RBFOX1: variants seen among roughly 807,000 people sequenced by gnomAD.
The protein encoded by RBFOX1 is RNA binding protein fox-1 homolog 1.
In RBFOX1, 8 loss-of-function variants were observed where a neutral mutation model predicts 57.7. The ratio of observed to expected loss-of-function variants is 0.14; its 90% CI spans 0.08 to 0.25. RBFOX1 has a LOEUF of 0.25. Ranked by LOEUF, RBFOX1 falls within the 10% of genes least tolerant of loss-of-function variation. RBFOX1 has a pLI of 1.00. For missense variants in RBFOX1, 611 were observed against 548.5 expected, an observed-to-expected ratio of 1.11 and a Z score of -1.14; for synonymous variants, 326 against 222.4, an observed-to-expected ratio of 1.47 and a Z score of -4.15.
At chr16:6,508,904 T>C in intron 2 of RBFOX1, among the ~76,000 whole-genome samples, 1 of 152,184 alleles carries the variant, frequency 6.6e-6, no homozygotes, top group East Asian at 1.9e-4. Context: ...AACACTGTTG[T>C]TATCATTAAT....
intron 5 of RBFOX1, among the ~76,000 whole-genome samples, chr16:7,565,591 A>G (rs535417702): frequency 2.0e-5 from 3 of 152,146 alleles, no homozygotes; most frequent in South Asian, 4.1e-4. Flanking sequence ...AAGAAGAGAC[A>G]GAGCAAGTGT....
Position 7,640,464 on chromosome 16 carries a change from A to G in RBFOX1, c.757+9781A>G, listed in dbSNP as rs371576067. ...CCCATGGTGTGCCCCCAAACATCTT[A>G]TTTGTCTTGATATTTCTTTCACAGA... On this transcript the variant is annotated intron_variant, in intron 11 of 15. Transcript: ENST00000550418. Among the ~76,000 whole-genome samples the G allele has an allele frequency of 6.6e-5, 10 of 152,302 alleles. No individual in the cohort carries two copies. In the South Asian group the frequency reaches 8.3e-4, roughly 13 times the overall value.
At chr16:7,564,133 G>C (rs1007883501) in intron 5 of RBFOX1, among the ~76,000 whole-genome samples, 12 of 152,212 alleles carry the variant, frequency 7.9e-5, no homozygotes, top group Admixed American at 7.9e-4. Flanking sequence ...TGGGGACTTT[G>C]GAAGGTAATT....
chr16:7,241,463 C>T (rs1443056035), intron 4 of RBFOX1, among the ~76,000 whole-genome samples: 1 of 152,138 alleles, frequency 6.6e-6, no homozygotes, highest in East Asian at 1.9e-4. Context: ...CCCTTTGGTT[C>T]ATTCAAGATG....
chr16:7,439,552 C>T (rs2098749626), intron 4 of RBFOX1, among the ~76,000 whole-genome samples: 1 of 152,126 alleles, frequency 6.6e-6, no homozygotes. Flanking sequence ...AAATATCTCC[C>T]TTAAAGAAAG....
chr16:7,371,978 A>C (rs1433236170), intron 4 of RBFOX1, among the ~76,000 whole-genome samples: 1 of 151,010 alleles, frequency 6.6e-6, no homozygotes, highest in South Asian at 2.1e-4. Context: ...TTTTTTTTCC[A>C]TTATAAACAT....
At chr16:6,760,211 T>G (rs17141319) in intron 3 of RBFOX1, among the ~76,000 whole-genome samples, 16,184 of 152,280 alleles carry the variant, frequency 0.11, 1,006 homozygotes, top group African/African-American at 0.16. Flanking sequence ...CTAAATAGTT[T>G]GTAATGAATT....
At chr16:7,415,038 T>G (rs541357509) in intron 4 of RBFOX1, among the ~76,000 whole-genome samples, 1 of 152,382 alleles carries the variant, frequency 6.6e-6, no homozygotes, top group African/African-American at 2.4e-5. Flanking sequence ...GATGGCTCTT[T>G]CTATACTCTA....
chr16:7,681,092 G>T lies in RBFOX1; in HGVS notation c.995+4254G>T, dbSNP rs148996563. On this transcript the variant is annotated intron_variant, in intron 14 of 15. Transcript: ENST00000550418. The stretch of plus-strand genomic sequence containing the variant: ...AAGGTTCTATTTCAGAGACAGATTT[G>T]TGTTTCTTAGAACCTAGTAAGGATA... Among the ~76,000 whole-genome samples the T allele has an allele frequency of 5.3e-4, 80 of 152,264 alleles. No individual in the cohort carries two copies. The East Asian group carries it at 0.014, about 27-fold the overall frequency.
intron 2 of RBFOX1, among the ~76,000 whole-genome samples, chr16:6,363,092 AT>A (rs892501284): frequency 2.6e-5 from 4 of 152,174 alleles, no homozygotes; most frequent in Non-Finnish European, 5.9e-5. Flanking sequence ...CAGAAGAATC[AT>A]TTTTTAACTT....
intron 3 of RBFOX1, among the ~76,000 whole-genome samples, chr16:5,861,883 T>G (rs2057226682): frequency 6.6e-6 from 1 of 152,064 alleles, no homozygotes; most frequent in Non-Finnish European, 1.5e-5. Flanking sequence ...GAAAAGACCA[T>G]GCATTCTCCC....
At chr16:5,967,002 G>GGGGGGGT (rs796981395) in intron 4 of RBFOX1, among the ~76,000 whole-genome samples, 2 of 103,856 alleles carry the variant, frequency 1.9e-5, no homozygotes, top group Non-Finnish European at 4.2e-5. Context: ...GGGGGGGGGG[G>GGGGGGGT]GGTCAATAAA....
At chr16:7,196,358 G>C (rs1033290786) in intron 4 of RBFOX1, among the ~76,000 whole-genome samples, 1 of 151,964 alleles carries the variant, frequency 6.6e-6, no homozygotes, top group African/African-American at 2.4e-5. Flanking sequence ...TACCCACCCT[G>C]CTTCACTCCC....
intron 1 of RBFOX1, among the ~76,000 whole-genome samples, chr16:5,316,679 A>G (rs960606324): frequency 1.3e-5 from 2 of 152,218 alleles, no homozygotes; most frequent in African/African-American, 4.8e-5. Flanking sequence ...GGATACCCAG[A>G]TAGCTGGTGA....
intron 3 of RBFOX1, among the ~76,000 whole-genome samples, chr16:6,766,282 C>A (rs2077318285): frequency 6.6e-6 from 1 of 152,070 alleles, no homozygotes; most frequent in Admixed American, 6.6e-5. Context: ...CTCTTTCCAA[C>A]AGAAAAAGTA....
chr16:7,690,408 C>G (rs892545201), intron 14 of RBFOX1, among the ~76,000 whole-genome samples: 3 of 152,038 alleles, frequency 2.0e-5, no homozygotes, highest in Non-Finnish European at 4.4e-5. Flanking sequence ...GCTTGGTAAC[C>G]AGAAATTTTT....
intron 1 of RBFOX1, among the ~76,000 whole-genome samples, chr16:6,170,335 C>G (rs958652354): frequency 6.6e-6 from 1 of 152,124 alleles, no homozygotes; most frequent in African/African-American, 2.4e-5. Flanking sequence ...CTGTCCTGCT[C>G]TCTGCTCTTT....
chr16:6,426,574 T>A (rs1203604658), intron 2 of RBFOX1, among the ~76,000 whole-genome samples: 1 of 152,008 alleles, frequency 6.6e-6, no homozygotes, highest in Non-Finnish European at 1.5e-5. Context: ...GAGGCTGCAG[T>A]GAGCCATGAT....
intron 2 of RBFOX1, among the ~76,000 whole-genome samples, chr16:6,644,432 C>A (rs1208056066): frequency 1.3e-5 from 2 of 152,190 alleles, no homozygotes; most frequent in South Asian, 4.1e-4. Flanking sequence ...AGAGCAAAAC[C>A]TTCTTCCTCA....
Sources: allele counts gnomAD v4.1 joint callset (sites outside exome capture counted in the v4.1 genomes callset), GRCh38; gene constraint gnomAD v4.1.1; transcripts MANE v1.5; gene names NCBI Gene and HGNC (gene_info 2026-07-23, HGNC 2026-07-21).